Variants in ZNF658 observed in about 807,000 individuals in gnomAD.
ZNF658 encodes the protein zinc finger protein 658.
ZNF658 carries 46 observed loss-of-function variants against 78.0 expected under a neutral mutation model. The observed-to-expected ratio is 0.59, with a 90% CI of 0.47 to 0.75. ZNF658 has a LOEUF of 0.75. Ranked by LOEUF, ZNF658 falls within the 30% of genes least tolerant of loss-of-function variation. ZNF658 has a pLI of 0.00. For synonymous variants in ZNF658, 279 were observed against 408.4 expected (o/e 0.68, Z 3.82); for missense variants, 785 against 1,189.3 (o/e 0.66, Z 5.00).
At chr9:66,921,503 T>G (rs1161895919), downstream of ZNF658, 1 of 151,468 alleles carries the variant, frequency 6.6e-6, no homozygotes, top group Non-Finnish European at 1.5e-5. Context: ...CACCTAGAAC[T>G]GATGTACCAA....
chr9:66,930,548 G>A (rs1448348786), intron 6 of ZNF658, among the ~76,000 whole-genome samples: 16 of 151,456 alleles, frequency 1.1e-4, no homozygotes, highest in Admixed American at 3.3e-4. Context: ...GGTGGCTCAC[G>A]CCTGTAATCC....
downstream of ZNF658, among the ~76,000 whole-genome samples, chr9:66,925,333 T>C (rs1822575685): frequency 6.6e-6 from 1 of 151,936 alleles, no homozygotes; most frequent in Non-Finnish European, 1.5e-5. Flanking sequence ...CCTAAGAATG[T>C]GAAATTGTTT....
chr9:66,925,567 CA>C (rs1171844998), downstream of ZNF658, among the ~76,000 whole-genome samples: 3 of 151,876 alleles, frequency 2.0e-5, no homozygotes, highest in African/African-American at 7.3e-5. Flanking sequence ...AACAGGCAAA[CA>C]GTGAATAAGG....
intron 4 of ZNF658, 112 bp from the exon 5 acceptor site, chr9:66,917,693 A>C: frequency 1.0e-6 from 1 of 967,638 alleles, no homozygotes; most frequent in Non-Finnish European, 1.5e-6. Flanking sequence ...AGCCTGGGTG[A>C]CAGAGCAATA....
At chr9:66,905,478 C>G (rs907859652) in intron 2 of ZNF658, among the ~76,000 whole-genome samples, 1 of 151,644 alleles carries the variant, frequency 6.6e-6, no homozygotes, top group African/African-American at 2.4e-5. Flanking sequence ...GCCATTACTA[C>G]TTCTGATATT....
At chr9:66,914,480 T>G (rs1380925420) in intron 4 of ZNF658, among the ~76,000 whole-genome samples, 1 of 151,880 alleles carries the variant, frequency 6.6e-6, no homozygotes, top group East Asian at 1.9e-4. Flanking sequence ...GTCCTTCCAG[T>G]GCAATCTTGT....
intron 2 of ZNF658, among the ~76,000 whole-genome samples, chr9:66,905,026 G>A (rs1346521964): frequency 4.8e-5 from 6 of 126,182 alleles, no homozygotes; most frequent in Non-Finnish European, 8.3e-5. Flanking sequence ...TCATGTCCAG[G>A]TGTGGATTTA....
At position 66,920,283 on chromosome 9, in the gene ZNF658, G is replaced by T. The variant is rs1554760952; in HGVS notation, c.2717G>T (p.Gly906Val). The change falls in exon 5 of 5, where the codon GGG becomes GTG. Residue 906 changes from glycine to valine, a missense_variant. Around this residue, in one of 12 missense-constraint regions of ZNF658, gnomAD observed 85 missense variants for 108.6 expected, o/e 0.78. Coordinates refer to ENST00000621410, the MANE Select transcript of ZNF658 (RefSeq NM_033160.7). ...AGAGCACATCTTAGAACTCGCTCAG[G>T]GGAGAAACCCTATGAATGCAGTGAA... ...HLRAHLRTRS[G>V]EKPYECSECG... The T allele has an allele frequency of 6.2e-7, 1 of 1,613,794 alleles. No individual in the cohort carries two copies. Among genetic ancestry groups the T allele is most frequent in the South Asian group, 1.1e-5 (1 of 91,060 alleles).
intron 6 of ZNF658, among the ~76,000 whole-genome samples, chr9:66,929,146 G>C (rs1822615530): frequency 2.6e-5 from 4 of 151,238 alleles, no homozygotes; most frequent in Admixed American, 6.6e-5. Flanking sequence ...CATTTTGCTT[G>C]AGAATAAATT....
intron 2 of ZNF658, among the ~76,000 whole-genome samples, chr9:66,907,808 T>C (rs1040713051): frequency 3.9e-4 from 60 of 152,148 alleles, no homozygotes; most frequent in Non-Finnish European, 4.0e-4. Flanking sequence ...ACAACTATTA[T>C]AGCTGTTCTC....
At chr9:66,901,196 AG>A (rs1016145184) in intron 1 of ZNF658, 3 of 151,826 alleles carry the variant, frequency 2.0e-5, no homozygotes, top group African/African-American at 7.2e-5. Flanking sequence ...CACAATTATG[AG>A]ACACTTATTC....
In ZNF658 at chr9:66,918,543, A is replaced by G. The variant is rs775686610; in HGVS notation, c.977A>G (p.Glu326Gly). The change falls in exon 5 of 5, where the codon GAA becomes GGA. Residue 326 changes from glutamate to glycine, a missense_variant. By Grantham distance (98) the Glu-to-Gly change is moderately conservative (BLOSUM62 -2). This residue lies in a region of ZNF658 where 393 missense variants were observed against 400.2 expected (regional missense o/e 0.98). Transcript: ENST00000621410. Reference sequence around the variant, plus strand: ...ACTATTACAGGATGGAGTGCTTTTGAAAGCAATAAATGTGAAGAAAATTTT... The same window carrying G: ...ACTATTACAGGATGGAGTGCTTTTGGAAGCAATAAATGTGAAGAAAATTTT... ...QRTITGWSAF[E>G]SNKCEENFSQ... is the part of the protein sequence containing the mutation. 6.2e-7 allele frequency: 1 copy of G among 1,607,510 alleles called. No individual in the cohort carries two copies. The highest frequency in any genetic ancestry group is 2.2e-5 in the East Asian group (1 of 44,688).
Position 66,920,409 on chromosome 9 carries a change from C to T in ZNF658, c.2843C>T (p.Ala948Val), listed in dbSNP as rs760581916. 5 of 1,610,434 alleles carry T rather than the reference C, an allele frequency of 3.1e-6. No homozygotes were observed. The highest frequency in any genetic ancestry group is 4.2e-6 in the Non-Finnish European group (5 of 1,179,378). Residue 948 changes from alanine to valine, a missense_variant, in exon 5 of 5, where the codon GCC becomes GTC. By Grantham distance (64) the Ala-to-Val change is moderately conservative. Coordinates refer to ENST00000621410, the MANE Select transcript of ZNF658 (RefSeq NM_033160.7). Reference sequence around the variant, plus strand: ...TGTAATGTATGTGGGAAGCCATTTGCCCATAATTCAACCCTCAGAGTACAT... The same window carrying T: ...TGTAATGTATGTGGGAAGCCATTTGTCCATAATTCAACCCTCAGAGTACAT... ...YECNVCGKPF[A>V]HNSTLRVHQR... is the part of the protein sequence containing the mutation.
chr9:66,926,301 G>A (rs1822585368), downstream of ZNF658, among the ~76,000 whole-genome samples: 1 of 141,348 alleles, frequency 7.1e-6, no homozygotes, highest in Non-Finnish European at 1.6e-5. Context: ...AATTGTACCT[G>A]TTTAAACATG....
chr9:66,928,847 C>T (rs1174846674), intron 6 of ZNF658, among the ~76,000 whole-genome samples: 2 of 148,772 alleles, frequency 1.3e-5, no homozygotes, highest in Admixed American at 6.8e-5. Flanking sequence ...GCAACAGGAA[C>T]ATTTTGGGGT....
In ZNF658 at chr9:66,917,930, C is replaced by A. The variant is rs770792766; in HGVS notation, c.364C>A (p.Pro122Thr). 16 of 1,610,776 alleles carry A rather than the reference C, an allele frequency of 9.9e-6. No homozygotes were observed. The highest frequency in any genetic ancestry group is 8.4e-5 in the Admixed American group (5 of 59,854). ...AGAAGGACAGAAAGTTTTAGAAAAA[C>A]CATTTAATCTGGAAATAGCTCCAGA... ...SKEGQKVLEK[P>T]FNLEIAPELS... The change falls in exon 5 of 5, where the codon CCA becomes ACA. Residue 122 changes from proline to threonine, a missense_variant. This residue lies in a region of ZNF658 where 54 missense variants were observed against 48.9 expected (regional missense o/e 1.10). Coordinates refer to ENST00000621410, the MANE Select transcript of ZNF658 (RefSeq NM_033160.7).
At chr9:66,913,382 G>A (rs1471614164) in intron 4 of ZNF658, among the ~76,000 whole-genome samples, 11 of 151,400 alleles carry the variant, frequency 7.3e-5, no homozygotes, top group African/African-American at 1.5e-4. Context: ...CCAAGATTGC[G>A]CCACTCCATT....
rs572984187 is a variant in ZNF658, at chr9:66,902,986, C to T, written c.-44-532C>T. On this transcript the variant is annotated intron_variant, in intron 1 of 4. Transcript: ENST00000621410. The stretch of plus-strand genomic sequence containing the variant: ...CAGCAGTTCACCCCCCTCGGCCTCC[C>T]AAACTGCTGGGATTACAGGCATGAT... The T allele has an allele frequency of 4.2e-4, 64 of 152,652 alleles. No individual in the cohort carries two copies. The South Asian group carries it at 6.6e-3, about 16-fold the overall frequency. 9.5% of individuals were successfully genotyped at this position (152,652 alleles called of 1,614,324 possible).
At chr9:66,907,464 G>A (rs1178440939) in intron 2 of ZNF658, among the ~76,000 whole-genome samples, 1 of 151,910 alleles carries the variant, frequency 6.6e-6, no homozygotes, top group Admixed American at 6.6e-5. Flanking sequence ...TTCCTCTTAT[G>A]TAACTGAAAC....
Sources: allele counts gnomAD v4.1 joint callset (sites outside exome capture counted in the v4.1 genomes callset), GRCh38; gene constraint gnomAD v4.1.1; regional missense constraint gnomAD v4.1.1; transcripts MANE v1.5; gene names NCBI Gene and HGNC (gene_info 2026-07-23, HGNC 2026-07-21).